EPB41L4A: variants seen among roughly 807,000 people sequenced by gnomAD.
EPB41L4A encodes band 4.1-like protein 4A.
Under a neutral mutation model 108.6 loss-of-function variants are expected in EPB41L4A, and 100 were observed. That is an observed-to-expected ratio of 0.92 (90% CI 0.78 to 1.09). The LOEUF is 1.09. Among genes scored for constraint, EPB41L4A ranks in the 50% least tolerant of loss-of-function variants. The pLI is 0.00. For synonymous variants in EPB41L4A, 319 were observed against 289.0 expected (o/e 1.10, Z -1.05); for missense variants, 1,030 against 842.7 (o/e 1.22, Z -2.75).
chr5:112,357,742 T>C lies in EPB41L4A; in HGVS notation c.100-50252A>G, dbSNP rs143238672. 8.5e-5 allele frequency among the ~76,000 whole-genome samples: 13 copies of C among 152,230 alleles called. No individual in the cohort carries two copies. The East Asian group carries it at 2.5e-3, about 29-fold the overall frequency. On this transcript the variant is annotated intron_variant, in intron 1 of 22. Transcript: ENST00000261486. ...TCATGGGGTAAAGGTTAACACTCAA[T>C]GTGGATGGATGGTTAAGGACTTGGA...
chr5:112,364,291 G>T (rs1015270573), intron 1 of EPB41L4A, among the ~76,000 whole-genome samples: 2 of 152,136 alleles, frequency 1.3e-5, no homozygotes, highest in Admixed American at 1.3e-4. Flanking sequence ...CTCCCTAAGT[G>T]CTGGGATTAT....
intron 1 of EPB41L4A, among the ~76,000 whole-genome samples, chr5:112,329,339 T>C (rs1055747226): frequency 6.6e-6 from 1 of 152,220 alleles, no homozygotes; most frequent in East Asian, 1.9e-4. Flanking sequence ...AAGAGCACCA[T>C]AGTGAAGTTT....
chr5:112,177,823 T>C (rs1330494346), intron 18 of EPB41L4A, among the ~76,000 whole-genome samples: 1 of 151,624 alleles, frequency 6.6e-6, no homozygotes, highest in Admixed American at 6.6e-5. Context: ...AATAAAAGTA[T>C]AGGTAAGATA....
At chr5:112,181,281 C>A (rs539177938) in intron 18 of EPB41L4A, among the ~76,000 whole-genome samples, 33 of 151,468 alleles carry the variant, frequency 2.2e-4, no homozygotes, top group Non-Finnish European at 3.8e-4. Flanking sequence ...GAAACCCCGT[C>A]TCTACTAAAT....
At chr5:112,415,027 T>C (rs1189708927) in intron 1 of EPB41L4A, among the ~76,000 whole-genome samples, 1 of 152,254 alleles carries the variant, frequency 6.6e-6, no homozygotes, top group East Asian at 1.9e-4. Flanking sequence ...AGTATTCACA[T>C]ATAAACTTAA....
intron 12 of EPB41L4A, among the ~76,000 whole-genome samples, chr5:112,211,474 CAGGAGG>C: frequency 6.6e-6 from 1 of 152,046 alleles, no homozygotes; most frequent in Non-Finnish European, 1.5e-5. Context: ...CCCAGATACT[CAGGAGG>C]CTGAGGCAGG....
At chr5:112,274,878 C>T (rs1203377338) in intron 4 of EPB41L4A, among the ~76,000 whole-genome samples, 2 of 152,160 alleles carry the variant, frequency 1.3e-5, no homozygotes, top group African/African-American at 4.8e-5. Context: ...AAATTATCTT[C>T]TCATTTCCTA....
At chr5:112,276,282 T>C (rs913932939) in intron 3 of EPB41L4A, among the ~76,000 whole-genome samples, 1 of 152,170 alleles carries the variant, frequency 6.6e-6, no homozygotes, top group Non-Finnish European at 1.5e-5. Context: ...AACTTTTTTT[T>C]AAAATCAGAA....
intron 7 of EPB41L4A, among the ~76,000 whole-genome samples, chr5:112,262,172 A>G (rs900346127): frequency 1.3e-5 from 2 of 152,112 alleles, no homozygotes; most frequent in African/African-American, 4.8e-5. Context: ...GATTACTTAC[A>G]GGCATGAGCA....
At chr5:112,345,421 A>C (rs952123466) in intron 1 of EPB41L4A, among the ~76,000 whole-genome samples, 1 of 152,164 alleles carries the variant, frequency 6.6e-6, no homozygotes, top group Non-Finnish European at 1.5e-5. Context: ...TATGCTGAAG[A>C]TATGTTAATT....
chr5:112,340,012 G>C (rs2051278450), intron 1 of EPB41L4A, among the ~76,000 whole-genome samples: 1 of 152,082 alleles, frequency 6.6e-6, no homozygotes, highest in Non-Finnish European at 1.5e-5. Context: ...AGAGAAAGTT[G>C]GAACAGAGAA....
intron 2 of EPB41L4A, among the ~76,000 whole-genome samples, chr5:112,281,712 G>A (rs1336697214): frequency 2.0e-5 from 3 of 152,240 alleles, no homozygotes; most frequent in Non-Finnish European, 2.9e-5. Context: ...AGGGCAGAAT[G>A]CTTGTTCTGC....
intron 1 of EPB41L4A, among the ~76,000 whole-genome samples, chr5:112,351,947 T>A (rs753462111): frequency 1.3e-5 from 2 of 152,178 alleles, no homozygotes; most frequent in Non-Finnish European, 2.9e-5. Flanking sequence ...AAATGTAACA[T>A]TCTTTTATGA....
Position 112,145,993 on chromosome 5 carries a change from G to A in EPB41L4A, n.1000C>T, listed in dbSNP as rs150262981. 9 of 456,004 alleles carry A rather than the reference G, an allele frequency of 2.0e-5. 1 individual carries two copies. The highest frequency in any genetic ancestry group is 8.0e-5 in the African/African-American group (4 of 50,084). 28.2% of individuals were successfully genotyped at this position (456,004 alleles called of 1,614,324 possible). A position where few individuals can be genotyped will look rare whatever the true frequency, so the allele number is the denominator to read the frequency against. On this transcript the variant is annotated non_coding_transcript_exon_variant, in exon 13 of 14. Coordinates refer to the EPB41L4A transcript ENST00000507810. ...TGCCCTTTCTAGGTCTGGAGGTCTGGACACCCTGTTAAAGAAAAAAGTTTG... is the reference window on the plus strand; with the variant it reads ...TGCCCTTTCTAGGTCTGGAGGTCTGAACACCCTGTTAAAGAAAAAAGTTTG...
chr5:112,259,838 G>C, intron 8 of EPB41L4A, 53 bp downstream of exon 8: 1 of 1,281,316 alleles, frequency 7.8e-7, no homozygotes, highest in East Asian at 2.3e-5. Flanking sequence ...TGACACAGGA[G>C]TCCCATAAGC....
At chr5:112,315,655 G>A (rs1755383372) in intron 1 of EPB41L4A, among the ~76,000 whole-genome samples, 1 of 151,920 alleles carries the variant, frequency 6.6e-6, no homozygotes, top group South Asian at 2.1e-4. Context: ...ATATTCTAAA[G>A]GTAGCATAAG....
chr5:112,152,114 C>T (rs1759491371), intron 12 of EPB41L4A, among the ~76,000 whole-genome samples: 2 of 151,716 alleles, frequency 1.3e-5, no homozygotes, highest in Non-Finnish European at 2.9e-5. Context: ...ATATAACTTC[C>T]ATACTATGAC....
At chr5:112,319,624 G>A (rs1048361884) in intron 1 of EPB41L4A, among the ~76,000 whole-genome samples, 7 of 152,138 alleles carry the variant, frequency 4.6e-5, no homozygotes, top group Non-Finnish European at 1.0e-4. Context: ...CAGACAAGCC[G>A]AAATTGAGGG....
At chr5:112,361,255 C>T (rs1182820426) in intron 1 of EPB41L4A, among the ~76,000 whole-genome samples, 2 of 152,122 alleles carry the variant, frequency 1.3e-5, no homozygotes, top group African/African-American at 4.8e-5. Flanking sequence ...GTGCTGTGTC[C>T]ACTAAGGGTT....
Sources: allele counts gnomAD v4.1 joint callset (sites outside exome capture counted in the v4.1 genomes callset), GRCh38; gene constraint gnomAD v4.1.1; transcripts MANE v1.5; gene names NCBI Gene and HGNC (gene_info 2026-07-23, HGNC 2026-07-21).